SLC49A4: variants seen among roughly 807,000 people sequenced by gnomAD.
The protein encoded by SLC49A4 is disrupted in renal cancer protein 2.
In SLC49A4, 36 loss-of-function variants were observed where a neutral mutation model predicts 50.6. The observed-to-expected ratio is 0.71, with a 90% CI of 0.55 to 0.94. The LOEUF is 0.94. SLC49A4 is among the 40% of genes least tolerant of loss of function. The probability of loss-of-function intolerance (pLI) is 0.00; values close to 1 mark genes in which losing one functional copy is unlikely to be tolerated. For synonymous variants in SLC49A4, 248 were observed against 241.2 expected, an observed-to-expected ratio of 1.03 and a Z score of -0.26; for missense variants, 503 against 605.7, an observed-to-expected ratio of 0.83 and a Z score of 1.78.
intron 8 of SLC49A4, 44 bp from the exon 9 acceptor site, chr3:122,879,213 CTGCTGG>C: frequency 7.5e-7 from 1 of 1,326,132 alleles, no homozygotes; most frequent in Admixed American, 1.7e-5. Context: ...AGGTGGTGGT[CTGCTGG>C]TGATACATGA....
chr3:122,835,243 A>G (rs2107568991), intron 4 of SLC49A4, among the ~76,000 whole-genome samples: 1 of 152,290 alleles, frequency 6.6e-6, no homozygotes, highest in African/African-American at 2.4e-5. Context: ...AACCAGATTG[A>G]GAAAGAGGGA....
At chr3:122,833,549 A>C in intron 4 of SLC49A4, 103 bp downstream of exon 4, 2 of 1,087,304 alleles carry the variant, frequency 1.8e-6, no homozygotes, top group Non-Finnish European at 2.6e-6. Flanking sequence ...GCAACCTATT[A>C]ATTAGGTTGT....
At chr3:122,819,031 A>G (rs770267701) in intron 2 of SLC49A4, among the ~76,000 whole-genome samples, 10 of 151,974 alleles carry the variant, frequency 6.6e-5, no homozygotes, top group Non-Finnish European at 1.3e-4. Flanking sequence ...AGGCAGGAGG[A>G]TCACTTGAGG....
chr3:122,825,136 T>G lies in SLC49A4; in HGVS notation c.438-1664T>G, dbSNP rs540235650. Among the ~76,000 whole-genome samples, 4 of 152,344 alleles carry G rather than the reference T, an allele frequency of 2.6e-5. No individual in the cohort carries two copies. The South Asian group carries it at 8.3e-4, about 32-fold the overall frequency. On this transcript the variant is annotated intron_variant, in intron 2 of 8. Coordinates refer to ENST00000261038, the MANE Select transcript of SLC49A4 (RefSeq NM_032839.3). ...CATTTTTAGACATAGTAAAGTTTACTCATTCCAAGCCTTCTAGTTGACATG... is the reference window on the plus strand; with the variant it reads ...CATTTTTAGACATAGTAAAGTTTACGCATTCCAAGCCTTCTAGTTGACATG...
intron 3 of SLC49A4, 82 bp downstream of exon 3, chr3:122,827,147 C>A: frequency 1.4e-6 from 2 of 1,440,846 alleles, no homozygotes; most frequent in Non-Finnish European, 1.9e-6. Flanking sequence ...ATAACAGATA[C>A]CTTCATATGA....
chr3:122,807,546 G>A (rs1190406300), intron 2 of SLC49A4, among the ~76,000 whole-genome samples: 1 of 152,096 alleles, frequency 6.6e-6, no homozygotes, highest in Non-Finnish European at 1.5e-5. Context: ...GTATACGAAG[G>A]TTTTAAATTT....
chr3:122,795,093 A>G lies in SLC49A4; in HGVS notation c.-100A>G, dbSNP rs1935988496. ...CGGTCCGGAGGCCGAGGGCGACCACAGCAGCCTCCGCCTCCTGCTGCTCAG... is the reference window on the plus strand; with the variant it reads ...CGGTCCGGAGGCCGAGGGCGACCACGGCAGCCTCCGCCTCCTGCTGCTCAG... On this transcript the variant is annotated 5_prime_UTR_variant, in exon 1 of 9. Transcript: ENST00000261038. 3 of 1,209,216 alleles carry G rather than the reference A, an allele frequency of 2.5e-6. No homozygotes were observed. Among genetic ancestry groups the G allele is most frequent in the East Asian group, 3.3e-5 (1 of 30,632 alleles). The allele number at this position is 1,209,216 out of a possible 1,614,324, so 74.9% of individuals were successfully genotyped here.
rs543236637 is a variant in SLC49A4, at chr3:122,829,109, C to T, written c.703+2044C>T. Among the ~76,000 whole-genome samples the T allele has an allele frequency of 1.9e-3, 292 of 152,184 alleles. 1 individual carries two copies. Among genetic ancestry groups the T allele is most frequent in the African/African-American group, 6.6e-3 (272 of 41,504 alleles). On this transcript the variant is annotated intron_variant, in intron 3 of 8. Transcript: ENST00000261038. ...AAGTTAGAGATTCTTAAATTATTCCCGACAAAGGTAACATAAGAAAAGTAA... is the reference window on the plus strand; with the variant it reads ...AAGTTAGAGATTCTTAAATTATTCCTGACAAAGGTAACATAAGAAAAGTAA...
intron 7 of SLC49A4, among the ~76,000 whole-genome samples, chr3:122,870,983 T>C (rs981757118): frequency 1.3e-5 from 2 of 151,954 alleles, no homozygotes; most frequent in Non-Finnish European, 1.5e-5. Context: ...GATCTACATC[T>C]AGCAAATATA....
intron 7 of SLC49A4, among the ~76,000 whole-genome samples, chr3:122,862,218 T>C (rs1937065710): frequency 1.3e-5 from 2 of 152,206 alleles, no homozygotes; most frequent in Non-Finnish European, 1.5e-5. Context: ...ATATCATACA[T>C]GTTATTAAAT....
intron 1 of SLC49A4, 134 bp downstream of exon 1, chr3:122,795,669 T>G: frequency 7.1e-7 from 1 of 1,401,020 alleles, no homozygotes; most frequent in Non-Finnish European, 9.2e-7. Flanking sequence ...GTTGCTAGCA[T>G]TCCATTTCTG....
chr3:122,853,011 G>A (rs1289805143), intron 5 of SLC49A4, among the ~76,000 whole-genome samples: 5 of 152,020 alleles, frequency 3.3e-5, no homozygotes, highest in African/African-American at 9.7e-5. Flanking sequence ...CCTAGTGTAC[G>A]TGTCTTAGTC....
intron 2 of SLC49A4, among the ~76,000 whole-genome samples, chr3:122,824,605 C>T (rs1226879685): frequency 7.9e-5 from 12 of 151,578 alleles, no homozygotes; most frequent in Admixed American, 7.9e-4. Flanking sequence ...TCTTTCCTTT[C>T]CTTTCTTTTC....
At chr3:122,831,686 G>A (rs1936610241) in intron 3 of SLC49A4, among the ~76,000 whole-genome samples, 1 of 152,006 alleles carries the variant, frequency 6.6e-6, no homozygotes, top group Admixed American at 6.6e-5. Context: ...GGTTATGATT[G>A]TACAATTCTG....
intron 4 of SLC49A4, among the ~76,000 whole-genome samples, chr3:122,845,309 T>G (rs1308292620): frequency 1.3e-5 from 2 of 152,244 alleles, no homozygotes; most frequent in African/African-American, 4.8e-5. Context: ...TTCTTTTTTA[T>G]GTCTGTGGAG....
rs1937040906 is a variant in SLC49A4 at position 122,860,151 on chromosome 3, T to C, written c.1087T>C (p.Trp363Arg). ...LFSGATLSSTWFTLTCLNSIT... is the reference protein window; with the variant it reads ...LFSGATLSSTRFTLTCLNSIT... ...TTCGGGAGCTACACTGTCATCCACG[T>C]GGTTCACCCTGACCTGTTTGAACAG... The change falls in exon 7 of 9, where the codon TGG becomes CGG. Residue 363 changes from tryptophan (W) to arginine (R), a missense_variant. By Grantham distance (101) the Trp-to-Arg change is moderately radical (BLOSUM62 -3). Coordinates refer to ENST00000261038, the MANE Select transcript of SLC49A4 (RefSeq NM_032839.3). 1 of 1,613,524 alleles carries C rather than the reference T, an allele frequency of 6.2e-7. No individual in the cohort carries two copies. Among genetic ancestry groups the C allele is most frequent in the Non-Finnish European group, 8.5e-7 (1 of 1,179,624 alleles).
chr3:122,818,301 G>A (rs1936405368), intron 2 of SLC49A4, among the ~76,000 whole-genome samples: 1 of 152,164 alleles, frequency 6.6e-6, no homozygotes, highest in Non-Finnish European at 1.5e-5. Flanking sequence ...TATGGTATCT[G>A]TGGTTACCTA....
chr3:122,826,349 G>A (rs1424351186), intron 2 of SLC49A4, among the ~76,000 whole-genome samples: 1 of 152,190 alleles, frequency 6.6e-6, no homozygotes, highest in Non-Finnish European at 1.5e-5. Context: ...AGTAGAAGGA[G>A]TATGGATTTT....
chr3:122,880,591 A>C lies in SLC49A4; in HGVS notation c.*1213A>C, dbSNP rs1240004513. 6.6e-6 allele frequency: 1 copy of C among 152,262 alleles called. No individual in the cohort carries two copies. Among genetic ancestry groups the C allele is most frequent in the Non-Finnish European group, 1.5e-5 (1 of 68,048 alleles). The allele number at this position is 152,262 out of a possible 1,614,324, so 9.4% of individuals were successfully genotyped here. On this transcript the variant is annotated 3_prime_UTR_variant, in exon 9 of 9. Transcript: ENST00000261038. ...AGAAAAACCAACCCTTTTCCCAAAA[A>C]GTCAAGAATACTGCTATACCTTTAT...
Sources: allele counts gnomAD v4.1 joint callset (sites outside exome capture counted in the v4.1 genomes callset), GRCh38; gene constraint gnomAD v4.1.1; transcripts MANE v1.5; gene names NCBI Gene and HGNC (gene_info 2026-07-23, HGNC 2026-07-21).